PCDHGB6: variants seen among roughly 807,000 people sequenced by gnomAD.
PCDHGB6 encodes the protein protocadherin gamma-B6.
PCDHGB6 carries 51 observed loss-of-function variants against 59.1 expected under a neutral mutation model. That is an observed-to-expected ratio of 0.86 (90% CI 0.69 to 1.09). The LOEUF (loss-of-function observed/expected upper bound fraction) is 1.09, where lower values mean the gene tolerates loss of function less well. Ranked by LOEUF, PCDHGB6 falls within the 50% of genes least tolerant of loss-of-function variation. PCDHGB6 has a pLI of 0.00. For synonymous variants in PCDHGB6, 466 were observed against 495.1 expected, an observed-to-expected ratio of 0.94 and a Z score of 0.78; for missense variants, 1,148 against 1,205.1, an observed-to-expected ratio of 0.95 and a Z score of 0.70.
intron 1 of PCDHGB6, chr5:141,417,766 C>G: frequency 6.9e-7 from 1 of 1,442,472 alleles, no homozygotes; most frequent in Non-Finnish European, 9.1e-7. Flanking sequence ...AGACCCGGGA[C>G]TCCTCCTGTC....
At chr5:141,433,205 TTTC>T in intron 1 of PCDHGB6, 1 of 1,573,264 alleles carries the variant, frequency 6.4e-7, no homozygotes, top group Non-Finnish European at 8.6e-7. Context: ...TCAAATCTTC[TTTC>T]TTTTTTTTTT....
chr5:141,476,206 C>A lies in PCDHGB6; in HGVS notation c.2419-18601C>A. On this transcript the variant is annotated intron_variant, in intron 1 of 3. Transcript: ENST00000520790. This position sits in a 1 kb window ranked among gnomAD's most constrained non-coding sequence, Gnocchi z 7.6. ...TGCTTGGTGCCTTGAACAAGGCTTC[C>A]ACGGTCATTCACTATGAGATCCCGG... 1 of 1,613,930 alleles carries A rather than the reference C, an allele frequency of 6.2e-7. No individual in the cohort carries two copies. The highest frequency in any genetic ancestry group is 1.7e-5 in the Admixed American group (1 of 60,004).
intron 1 of PCDHGB6, chr5:141,484,946 C>T (rs2154580274): frequency 3.6e-6 from 2 of 561,448 alleles, no homozygotes; most frequent in Non-Finnish European, 6.4e-6. Flanking sequence ...CTCTGCTCAG[C>T]CTATTGGCTG....
rs1429603639 is a variant in PCDHGB6 at position 141,415,751 on chromosome 5, T to TTG, written c.2418+5132_2418+5133insGT. 7.1e-5 allele frequency: 95 copies of TTG among 1,328,716 alleles called. No homozygotes were observed. The African/African-American group carries it at 1.1e-3, about 15-fold the overall frequency. 82.3% of individuals were successfully genotyped at this position (1,328,716 alleles called of 1,614,324 possible). Reference sequence around the variant, plus strand: ...TGATGTTTATTAAGGTTTTTTTTTTTTTTTTTTTTTTTTTTTTTTTTACTT... The same window carrying TTG: ...TGATGTTTATTAAGGTTTTTTTTTTTTGTTTTTTTTTTTTTTTTTTTTTACTT... On this transcript the variant is annotated intron_variant, in intron 1 of 3. Coordinates refer to ENST00000520790, the MANE Select transcript of PCDHGB6 (RefSeq NM_018926.3).
At chr5:141,464,862 C>T (rs1166573359) in intron 1 of PCDHGB6, among the ~76,000 whole-genome samples, 1 of 152,076 alleles carries the variant, frequency 6.6e-6, no homozygotes, top group African/African-American at 2.4e-5. Context: ...CCTTAGCCTC[C>T]CAAGTAGCTA....
At chr5:141,460,616 TAGAC>T (rs533223594) in intron 1 of PCDHGB6, among the ~76,000 whole-genome samples, 44 of 152,232 alleles carry the variant, frequency 2.9e-4, no homozygotes, top group Middle Eastern at 3.4e-3. Context: ...GATGGATAGA[TAGAC>T]AGATACAGAT....
At chr5:141,449,723 GA>G (rs1432635918) in intron 1 of PCDHGB6, among the ~76,000 whole-genome samples, 2 of 150,880 alleles carry the variant, frequency 1.3e-5, no homozygotes, top group Admixed American at 6.6e-5. Flanking sequence ...TATATGATAT[GA>G]TTTTTTTATG....
At chr5:141,483,790 AGTT>A (rs963139644) in intron 1 of PCDHGB6, among the ~76,000 whole-genome samples, 14 of 152,290 alleles carry the variant, frequency 9.2e-5, no homozygotes, top group African/African-American at 3.4e-4. Flanking sequence ...TAAGAACTCC[AGTT>A]GTTGCTGCTT....
Position 141,489,732 on chromosome 5 carries a change from C to T in PCDHGB6, c.2419-5075C>T, listed in dbSNP as rs1562132763. On this transcript the variant is annotated intron_variant, in intron 1 of 3. Coordinates refer to ENST00000520790, the MANE Select transcript of PCDHGB6 (RefSeq NM_018926.3). This position sits in a 1 kb window ranked among gnomAD's most constrained non-coding sequence, Gnocchi z 4.5. ...GTGCCCAGGATCCGGATGTGGGCAC[C>T]AATACTGTGAGCTTTTACACTCTAA... 3.1e-6 allele frequency: 5 copies of T among 1,614,126 alleles called. No individual in the cohort carries two copies. The highest frequency in any genetic ancestry group is 1.1e-5 in the South Asian group (1 of 91,074).
intron 1 of PCDHGB6, among the ~76,000 whole-genome samples, chr5:141,447,463 C>T (rs1004772636): frequency 6.6e-6 from 1 of 152,142 alleles, no homozygotes; most frequent in African/African-American, 2.4e-5. Context: ...AGTTTTTCTT[C>T]ACCATCTGTA....
chr5:141,427,704 G>A (rs2097059746), intron 1 of PCDHGB6: 1 of 966,116 alleles, frequency 1.0e-6, no homozygotes, highest in Non-Finnish European at 1.6e-6. Flanking sequence ...ACAAGTCAGC[G>A]CCTCTGACCT....
chr5:141,420,179 T>C (rs1420076172), intron 1 of PCDHGB6: 16 of 1,614,054 alleles, frequency 9.9e-6, no homozygotes, highest in Non-Finnish European at 1.2e-5. Flanking sequence ...TGTTGATCAT[T>C]GTCCAGCCAC....
Position 141,489,358 on chromosome 5 carries a change from G to C in PCDHGB6, c.2419-5449G>C. 1 of 1,613,144 alleles carries C rather than the reference G, an allele frequency of 6.2e-7. No homozygotes were observed. The highest frequency in any genetic ancestry group is 1.7e-4 in the Middle Eastern group (1 of 6,052). On this transcript the variant is annotated intron_variant, in intron 1 of 3. Coordinates refer to ENST00000520790, the MANE Select transcript of PCDHGB6 (RefSeq NM_018926.3). The surrounding 1 kb of genome is among the most constrained non-coding windows in gnomAD (Gnocchi z 4.5). ...TCGTTACTCAGTGGTGGAGGAGTCT[G>C]AGCCGGGGACGCTGGTGGGGAATGT...
At chr5:141,427,721 A>C (rs904969652) in intron 1 of PCDHGB6, 3 of 1,110,498 alleles carry the variant, frequency 2.7e-6, no homozygotes, top group Non-Finnish European at 4.0e-6. Context: ...ACCTGGACCT[A>C]GGGCTGAATG....
chr5:141,423,082 G>T (rs1390567548), intron 1 of PCDHGB6: 3 of 1,614,078 alleles, frequency 1.9e-6, no homozygotes, highest in Non-Finnish European at 2.5e-6. Context: ...GGGACTCTTC[G>T]CGGTGGGGGA....
At chr5:141,418,136 G>C (rs1218707482) in intron 1 of PCDHGB6, 15 of 1,613,984 alleles carry the variant, frequency 9.3e-6, no homozygotes, top group Non-Finnish European at 1.1e-5. Flanking sequence ...AATAGACCGT[G>C]AGCAAATATG....
At chr5:141,469,948 T>C (rs1258593339) in intron 1 of PCDHGB6, among the ~76,000 whole-genome samples, 2 of 152,110 alleles carry the variant, frequency 1.3e-5, no homozygotes, top group Admixed American at 1.3e-4. Flanking sequence ...CTGGCCAGCA[T>C]GGTGAAACCC....
intron 3 of PCDHGB6, among the ~76,000 whole-genome samples, chr5:141,510,244 G>A (rs549784078): frequency 6.6e-6 from 1 of 151,116 alleles, no homozygotes; most frequent in African/African-American, 2.4e-5. Flanking sequence ...CTGCACTCCA[G>A]GCTGGGCGAC....
At position 141,408,935 on chromosome 5, in the gene PCDHGB6, G is replaced by A. The variant is rs773802276; in HGVS notation, c.733G>A (p.Asp245Asn). 6.8e-6 allele frequency: 11 copies of A among 1,613,590 alleles called. No homozygotes were observed. Among genetic ancestry groups the A allele is most frequent in the Non-Finnish European group, 9.3e-6 (11 of 1,179,752 alleles). ...TGATAACCCCCCGGTTTTCAGCAGAGACGAATATAGAATTAGTCTTAGTGA... is the reference window on the plus strand; with the variant it reads ...TGATAACCCCCCGGTTTTCAGCAGAAACGAATATAGAATTAGTCTTAGTGA... ...TNDNPPVFSR[D>N]EYRISLSENL... Residue 245 changes from aspartate (D) to asparagine (N), a missense_variant, in exon 1 of 4, where the codon GAC becomes AAC. Asp to Asn is a conservative substitution (Grantham distance 23, BLOSUM62 1). Coordinates refer to ENST00000520790, the MANE Select transcript of PCDHGB6 (RefSeq NM_018926.3).
Sources: gnomAD v4.1 joint callset for allele counts (sites outside exome capture counted in the v4.1 genomes callset) on GRCh38, gnomAD v4.1.1 for gene constraint, Gnocchi (gnomAD v3.1) non-coding constraint, MANE v1.5 for transcripts, NCBI Gene and HGNC (gene_info 2026-07-23, HGNC 2026-07-21) for gene names.